Variants in PACS2 observed in about 807,000 individuals in gnomAD.
PACS2 encodes phosphofurin acidic cluster sorting protein 2.
A neutral mutation model predicts 113.0 loss-of-function variants in PACS2; 36 were observed. The observed-to-expected ratio is 0.32, with a 90% CI of 0.24 to 0.42. The LOEUF is 0.42. Among genes scored for constraint, PACS2 ranks in the 10% least tolerant of loss-of-function variants. The pLI is 1.00. For synonymous variants in PACS2, 589 were observed against 536.1 expected (o/e 1.10, Z -1.36); for missense variants, 1,015 against 1,239.5 (o/e 0.82, Z 2.72).
At chr14:105,391,512 T>TTGCC in intron 21 of PACS2, 119 bp from the exon 22 acceptor site, 6 of 611,312 alleles carry the variant, frequency 9.8e-6, no homozygotes, top group East Asian at 2.9e-5. Flanking sequence ...CACTGGGGAC[T>TTGCC]CCCACCCTGC....
chr14:105,364,217 T>TA (rs1216588284), intron 4 of PACS2, among the ~76,000 whole-genome samples: 5 of 152,152 alleles, frequency 3.3e-5, no homozygotes, highest in South Asian at 4.1e-4. Context: ...GCCTTCACTG[T>TA]AAAAAACAGA....
chr14:105,319,624 C>T (rs1372688666), intron 1 of PACS2, among the ~76,000 whole-genome samples: 1 of 152,100 alleles, frequency 6.6e-6, no homozygotes, highest in Non-Finnish European at 1.5e-5. Flanking sequence ...TTGTCTTTTG[C>T]AAAAGACAAA....
chr14:105,383,315 G>A, intron 15 of PACS2, 44 bp from the exon 16 acceptor site: 1 of 1,598,496 alleles, frequency 6.3e-7, no homozygotes, highest in Non-Finnish European at 8.5e-7. Context: ...CGGCTCCCCT[G>A]AGGCGTCTGT....
At chr14:105,375,481 CAAAAAA>C (rs34549878) in intron 8 of PACS2, among the ~76,000 whole-genome samples, 3 of 51,410 alleles carry the variant, frequency 5.8e-5, no homozygotes, top group African/African-American at 1.8e-4. Flanking sequence ...GACTCCATCT[CAAAAAA>C]AAAAAAAAAA....
At chr14:105,341,932 C>T (rs1277494745) in intron 1 of PACS2, among the ~76,000 whole-genome samples, 3 of 152,182 alleles carry the variant, frequency 2.0e-5, no homozygotes, top group Non-Finnish European at 4.4e-5. Context: ...GACGGGGAGC[C>T]GTAGCCTGCT....
In PACS2 at chr14:105,317,978, A is replaced by G. The variant is rs964376268; in HGVS notation, c.119+2941A>G. Among the ~76,000 whole-genome samples, 4 of 152,164 alleles carry G rather than the reference A, an allele frequency of 2.6e-5. No individual in the cohort carries two copies. The highest frequency in any genetic ancestry group is 4.4e-5 in the Non-Finnish European group (3 of 68,030). On this transcript the variant is annotated intron_variant, in intron 1 of 24. Coordinates refer to ENST00000447393, the MANE Select transcript of PACS2 (RefSeq NM_001100913.3). The surrounding 1 kb of genome is among the most constrained non-coding windows in gnomAD (Gnocchi z 4.2). ...CTAGGTGGTCCACGGGGTATGCGTC[A>G]GTGCCTGTCTGTGGCCTCTGCCTCC...
At chr14:105,312,651 A>G (rs1318072775), upstream of PACS2, among the ~76,000 whole-genome samples, 1 of 152,226 alleles carries the variant, frequency 6.6e-6, no homozygotes. Flanking sequence ...CCTCAAGAGA[A>G]GGACCAGCAC....
chr14:105,383,039 G>T, intron 15 of PACS2, 126 bp downstream of exon 15: 1 of 663,140 alleles, frequency 1.5e-6, no homozygotes, highest in Non-Finnish European at 2.7e-6. Flanking sequence ...TGTCCACAGA[G>T]GCTGACCCAT....
upstream of PACS2, among the ~76,000 whole-genome samples, chr14:105,311,611 T>G (rs963468482): frequency 6.6e-6 from 1 of 152,076 alleles, no homozygotes; most frequent in Non-Finnish European, 1.5e-5. Context: ...TTCTATCAGG[T>G]TCTATCATGG....
At chr14:105,374,853 CA>C (rs2061290926) in intron 8 of PACS2, 1 of 152,248 alleles carries the variant, frequency 6.6e-6, no homozygotes, top group African/African-American at 2.4e-5. Flanking sequence ...GGATCACTTC[CA>C]GACGAGAATC....
chr14:105,349,997 A>G (rs1010478669), intron 2 of PACS2, among the ~76,000 whole-genome samples: 20 of 146,588 alleles, frequency 1.4e-4, no homozygotes, highest in African/African-American at 4.6e-4. Context: ...GCGCGTGGCT[A>G]ATAGCAGGAC....
At chr14:105,392,879 C>G (rs974521356) in intron 23 of PACS2, 34 bp downstream of exon 23, 8 of 1,501,226 alleles carry the variant, frequency 5.3e-6, no homozygotes, top group East Asian at 2.3e-5. Context: ...CCACACGGCG[C>G]AGAAGGGCGG....
rs1013265867 is a variant in PACS2 at position 105,365,807 on chromosome 14, C to T, written c.424-1406C>T. Among the ~76,000 whole-genome samples the T allele has an allele frequency of 2.0e-5, 3 of 152,156 alleles. No individual in the cohort carries two copies. Among genetic ancestry groups the T allele is most frequent in the Non-Finnish European group, 4.4e-5 (3 of 68,034 alleles). On this transcript the variant is annotated intron_variant, in intron 4 of 24. Coordinates refer to ENST00000447393, the MANE Select transcript of PACS2 (RefSeq NM_001100913.3). The surrounding 1 kb of genome is among the most constrained non-coding windows in gnomAD (Gnocchi z 5.1). ...ACTGAGACCCTGCCACATCAGATGC[C>T]ACTCTGAGAAGGCGACTCAGGGTGC... is the stretch of plus-strand genomic sequence containing the variant.
intron 20 of PACS2, 189 bp from the exon 21 acceptor site, chr14:105,391,018 C>G: frequency 1.6e-6 from 1 of 617,894 alleles, no homozygotes; most frequent in Non-Finnish European, 2.9e-6. Context: ...TGTCTGTCCC[C>G]ACATGGCTGC....
At chr14:105,382,373 T>C (rs2081024197) in intron 13 of PACS2, 104 bp from the exon 14 acceptor site, 1 of 769,530 alleles carries the variant, frequency 1.3e-6, no homozygotes, top group Non-Finnish European at 2.3e-6. Context: ...ACCGAGCCTC[T>C]GTGGCTGCAG....
In PACS2 at chr14:105,376,674, C is replaced by T. The variant is rs2080790926; in HGVS notation, c.802-94C>T. 3.3e-6 allele frequency: 4 copies of T among 1,227,362 alleles called. No individual in the cohort carries two copies. Among genetic ancestry groups the T allele is most frequent in the Non-Finnish European group, 4.6e-6 (4 of 870,372 alleles). 76.0% of individuals were successfully genotyped at this position (1,227,362 alleles called of 1,614,324 possible). On this transcript the variant is annotated intron_variant, in intron 8 of 24. Transcript: ENST00000447393. This position sits in a 1 kb window ranked among gnomAD's most constrained non-coding sequence, Gnocchi z 4.7. ...GGGTTTGGTGGCTGGGTGCCCGCCT[C>T]CTATTGCTCCTGCAGACTCTGGGGT...
rs184897272 is a variant in PACS2 at position 105,366,096 on chromosome 14, T to C, written c.424-1117T>C. Reference sequence around the variant, plus strand: ...TGGGCGTGGTGGCTCACGCCTGTAATCCCAGCACTTTGGGAGGCCGAGGCA... The same window carrying C: ...TGGGCGTGGTGGCTCACGCCTGTAACCCCAGCACTTTGGGAGGCCGAGGCA... On this transcript the variant is annotated intron_variant, in intron 4 of 24. Coordinates refer to ENST00000447393, the MANE Select transcript of PACS2 (RefSeq NM_001100913.3). This position sits in a 1 kb window ranked among gnomAD's most constrained non-coding sequence, Gnocchi z 4.3. Among the ~76,000 whole-genome samples the C allele has an allele frequency of 2.2e-3, 333 of 152,368 alleles. 2 individuals carry two copies. Among genetic ancestry groups the C allele is most frequent in the African/African-American group, 7.8e-3 (323 of 41,596 alleles).
At chr14:105,359,834 GC>G (rs1483079742) in intron 4 of PACS2, among the ~76,000 whole-genome samples, 1 of 152,058 alleles carries the variant, frequency 6.6e-6, no homozygotes, top group African/African-American at 2.4e-5. Context: ...CTCGCGATCC[GC>G]CCACCTTGGT....
intron 9 of PACS2, 61 bp from the exon 10 acceptor site, chr14:105,379,678 C>T (rs1290018954): frequency 7.2e-7 from 1 of 1,382,492 alleles, no homozygotes; most frequent in Non-Finnish European, 1.0e-6. Context: ...GAGAACTGCG[C>T]TTTCAGTGCA....
Sources: allele counts gnomAD v4.1 joint callset (sites outside exome capture counted in the v4.1 genomes callset), GRCh38; gene constraint gnomAD v4.1.1; non-coding constraint Gnocchi (gnomAD v3.1); transcripts MANE v1.5; gene names NCBI Gene and HGNC (gene_info 2026-07-23, HGNC 2026-07-21).